Variants in PARVB observed in about 807,000 individuals in gnomAD.
PARVB encodes the protein beta-parvin.
In PARVB, 46 loss-of-function variants were observed where a neutral mutation model predicts 47.0. The observed-to-expected ratio is 0.98, with a 90% CI of 0.77 to 1.25. The LOEUF (loss-of-function observed/expected upper bound fraction) is 1.25. Ranked by LOEUF, PARVB falls within the 50% of genes most tolerant of loss-of-function variation. PARVB has a pLI of 0.00. For synonymous variants in PARVB, 196 were observed against 196.3 expected (o/e 1.00, Z 0.01); for missense variants, 473 against 471.6 (o/e 1.00, Z -0.03).
chr22:44,024,244 C>T, upstream of PARVB: 3 of 511,804 alleles, frequency 5.9e-6, no homozygotes, highest in Non-Finnish European at 7.5e-6. Flanking sequence ...GGGACCGGGG[C>T]GGGGGCCGGC....
intron 2 of PARVB, 62 bp downstream of exon 2, chr22:44,094,079 C>G: frequency 2.0e-6 from 2 of 985,908 alleles, no homozygotes; most frequent in South Asian, 1.4e-5. Flanking sequence ...CTAAGTTGGT[C>G]TTGGGGAGGC....
intron 1 of PARVB, among the ~76,000 whole-genome samples, chr22:44,058,551 T>C (rs1465940249): frequency 1.3e-5 from 1 of 78,104 alleles, no homozygotes; most frequent in Non-Finnish European, 2.8e-5. Flanking sequence ...GGACGTGGAT[T>C]TTTTTTTTTT....
At chr22:44,081,399 C>T (rs2051896325) in intron 1 of PARVB, among the ~76,000 whole-genome samples, 1 of 152,214 alleles carries the variant, frequency 6.6e-6, no homozygotes, top group South Asian at 2.1e-4. Context: ...CTGGCCTTTC[C>T]CACATCCCCG....
chr22:44,022,093 A>G (rs2050656965), upstream of PARVB, among the ~76,000 whole-genome samples: 2 of 152,090 alleles, frequency 1.3e-5, no homozygotes, highest in Admixed American at 1.3e-4. Flanking sequence ...TCATCTGCAA[A>G]GACCCTTGTG....
intron 1 of PARVB, among the ~76,000 whole-genome samples, chr22:44,087,468 G>A (rs1452302417): frequency 1.3e-5 from 2 of 152,230 alleles, no homozygotes; most frequent in Non-Finnish European, 2.9e-5. Context: ...CGTGATTGCA[G>A]GGGCGCCTTG....
intron 2 of PARVB, among the ~76,000 whole-genome samples, chr22:44,094,462 G>A (rs1216543745): frequency 1.3e-5 from 2 of 152,146 alleles, no homozygotes; most frequent in African/African-American, 4.8e-5. Context: ...GAGGCAGAAG[G>A]AGCAGGGCTA....
chr22:44,068,425 G>T lies in PARVB; in HGVS notation c.113-25503G>T, dbSNP rs910028899. On this transcript the variant is annotated intron_variant, in intron 1 of 12. Coordinates refer to ENST00000338758, the MANE Select transcript of PARVB (RefSeq NM_013327.5). The surrounding 1 kb of genome is among the most constrained non-coding windows in gnomAD (Gnocchi z 4.1). ...AAAGGGGGAGCAAGTTGCCGGCCAA[G>T]GTAGGTATCATGCGAGTCCTACTTC... Among the ~76,000 whole-genome samples, 1 of 152,170 alleles carries T rather than the reference G, an allele frequency of 6.6e-6. No individual in the cohort carries two copies. The highest frequency in any genetic ancestry group is 1.5e-5 in the Non-Finnish European group (1 of 68,020).
chr22:44,100,273 A>T, intron 3 of PARVB, 150 bp downstream of exon 3: 1 of 679,702 alleles, frequency 1.5e-6, no homozygotes, highest in Admixed American at 2.3e-5. Flanking sequence ...ATGTTGGCAG[A>T]GGAGGACGGC....
chr22:44,066,557 C>T (rs1473303007), intron 1 of PARVB, among the ~76,000 whole-genome samples: 1 of 152,258 alleles, frequency 6.6e-6, no homozygotes, highest in Non-Finnish European at 1.5e-5. Flanking sequence ...CACCTTGGCA[C>T]CCCAGGCTTG....
chr22:44,002,296 G>A (rs1442444220), intron 2 of PARVB, among the ~76,000 whole-genome samples: 1 of 152,210 alleles, frequency 6.6e-6, no homozygotes, highest in African/African-American at 2.4e-5. Context: ...CAGCTTTCGG[G>A]GTCCTCCCCA....
At chr22:44,003,629 C>T (rs1393646895) in intron 2 of PARVB, among the ~76,000 whole-genome samples, 10 of 152,178 alleles carry the variant, frequency 6.6e-5, no homozygotes, top group Admixed American at 6.5e-4. Flanking sequence ...CTAGCCTTTC[C>T]TGTCTGTCTG....
chr22:44,064,952 G>A (rs2051489974), intron 1 of PARVB, among the ~76,000 whole-genome samples: 1 of 152,200 alleles, frequency 6.6e-6, no homozygotes, highest in Non-Finnish European at 1.5e-5. Context: ...TGATCCCCAG[G>A]TTTGGTTGAT....
intron 2 of PARVB, among the ~76,000 whole-genome samples, chr22:44,006,087 C>T (rs12160886): frequency 0.25 from 37,317 of 152,112 alleles, 5,027 homozygotes; most frequent in African/African-American, 0.35. Flanking sequence ...GGACCACAGG[C>T]GCATGCCACC....
intron 12 of PARVB, among the ~76,000 whole-genome samples, chr22:44,166,890 G>A (rs1314709377): frequency 1.3e-5 from 2 of 152,240 alleles, no homozygotes; most frequent in African/African-American, 2.4e-5. Flanking sequence ...GGAGAATGGG[G>A]TGCAGTGGCT....
intron 1 of PARVB, among the ~76,000 whole-genome samples, chr22:44,072,077 G>A (rs1442902464): frequency 6.6e-6 from 1 of 152,206 alleles, no homozygotes; most frequent in Non-Finnish European, 1.5e-5. Flanking sequence ...CACGTCTGTC[G>A]TTGGGTGGAA....
In PARVB at chr22:44,103,666, C is replaced by T. The variant is rs539453130; in HGVS notation, c.273+3543C>T. On this transcript the variant is annotated intron_variant, in intron 3 of 12. Coordinates refer to ENST00000338758, the MANE Select transcript of PARVB (RefSeq NM_013327.5). This position sits in a 1 kb window ranked among gnomAD's most constrained non-coding sequence, Gnocchi z 4.6. ...GGTCATCCTGGATGATCCAGGCGGG[C>T]CCAGTGTGTTCGCTAGTGTCTGTAT... 9.2e-5 allele frequency: 14 copies of T among 152,274 alleles called. No individual in the cohort carries two copies. The highest frequency in any genetic ancestry group is 1.9e-4 in the African/African-American group (8 of 41,562). The allele number at this position is 152,274 out of a possible 1,614,324, so 9.4% of individuals were successfully genotyped here. A position where few individuals can be genotyped will look rare whatever the true frequency, so the allele number is the denominator to read the frequency against.
At chr22:44,116,843 C>T (rs1411578438) in intron 3 of PARVB, among the ~76,000 whole-genome samples, 2 of 152,014 alleles carry the variant, frequency 1.3e-5, no homozygotes, top group East Asian at 1.9e-4. Context: ...GGGGAAGTGG[C>T]GTGTGCAGAG....
rs936482095 is a variant in PARVB at position 44,059,672 on chromosome 22, T to C, written c.113-34256T>C. Reference sequence around the variant, plus strand: ...TGCCTGTTGCCACAAAATGTGAATGTTGGGTGTACATTCAGGTGTCACGTA... The same window carrying C: ...TGCCTGTTGCCACAAAATGTGAATGCTGGGTGTACATTCAGGTGTCACGTA... On this transcript the variant is annotated intron_variant, in intron 1 of 12. Coordinates refer to ENST00000338758, the MANE Select transcript of PARVB (RefSeq NM_013327.5). Among the ~76,000 whole-genome samples, 6 of 152,136 alleles carry C rather than the reference T, an allele frequency of 3.9e-5. No homozygotes were observed. In the South Asian group the frequency reaches 1.0e-3, roughly 26 times the overall value.
intron 5 of PARVB, 142 bp from the exon 6 acceptor site, chr22:44,132,752 C>T: frequency 1.7e-6 from 1 of 586,436 alleles, no homozygotes; most frequent in East Asian, 3.1e-5. Context: ...CTCATCAGCT[C>T]TCTTGATTTG....
Sources: allele counts gnomAD v4.1 joint callset (sites outside exome capture counted in the v4.1 genomes callset), GRCh38; gene constraint gnomAD v4.1.1; non-coding constraint Gnocchi (gnomAD v3.1); transcripts MANE v1.5; gene names NCBI Gene and HGNC (gene_info 2026-07-23, HGNC 2026-07-21).